The following ARL5C variants were observed in gnomAD, a reference collection of about 807,000 sequenced individuals.
ARL5C encodes putative ADP-ribosylation factor-like protein 5C.
A neutral mutation model predicts 20.8 loss-of-function variants in ARL5C; 21 were observed. The ratio of observed to expected loss-of-function variants is 1.01; its 90% confidence interval spans 0.72 to 1.46. ARL5C has a LOEUF of 1.46. ARL5C is among the 40% of genes most tolerant of loss of function. ARL5C has a pLI of 0.00. For missense variants in ARL5C, 199 were observed against 225.1 expected (o/e 0.88, Z 0.74); for synonymous variants, 71 against 81.6 (o/e 0.87, Z 0.70).
chr17:39,163,616 T>G (rs2045448438), intron 2 of ARL5C, among the ~76,000 whole-genome samples: 1 of 151,182 alleles, frequency 6.6e-6, no homozygotes, highest in Non-Finnish European at 1.5e-5. Flanking sequence ...AGTCTCGAAC[T>G]CCTGACCTCA....
At chr17:39,160,324 CAAAA>C (rs35532222) in intron 5 of ARL5C, 185 of 270,172 alleles carry the variant, frequency 6.8e-4, no homozygotes, top group Middle Eastern at 2.3e-3. Context: ...AACTCTGTCT[CAAAA>C]AAAAAAAAAA....
chr17:39,164,007 A>T (rs1377018368), intron 2 of ARL5C: 1 of 151,892 alleles, frequency 6.6e-6, no homozygotes, highest in Non-Finnish European at 1.5e-5. Flanking sequence ...CCTCAGGTAG[A>T]TCCACCCACT....
chr17:39,163,673 T>C (rs1332164519), intron 2 of ARL5C, among the ~76,000 whole-genome samples: 1 of 150,080 alleles, frequency 6.7e-6, no homozygotes, highest in Non-Finnish European at 1.5e-5. Context: ...ATTACAGGCA[T>C]GAGCCACCGC....
chr17:39,162,323 A>G (rs1228743418), intron 3 of ARL5C, among the ~76,000 whole-genome samples: 1 of 152,106 alleles, frequency 6.6e-6, no homozygotes, highest in Non-Finnish European at 1.5e-5. Flanking sequence ...TTTTTGAGAC[A>G]GAGTCTTGCT....
intron 2 of ARL5C, among the ~76,000 whole-genome samples, chr17:39,163,394 C>CTTTCTT (rs778704422): frequency 2.7e-5 from 4 of 147,514 alleles, no homozygotes; most frequent in South Asian, 2.1e-4. Context: ...TTCTTTCTTT[C>CTTTCTT]TCTCTTTCTT....
chr17:39,157,588 G>T (rs530682356), intron 5 of ARL5C, among the ~76,000 whole-genome samples: 20 of 151,854 alleles, frequency 1.3e-4, no homozygotes, highest in African/African-American at 4.8e-4. Context: ...TCGGGAATTC[G>T]AGACCAGCCT....
At chr17:39,162,596 C>A (rs1481181887) in intron 3 of ARL5C, 115 bp downstream of exon 3, 4 of 1,312,498 alleles carry the variant, frequency 3.0e-6, no homozygotes, top group Non-Finnish European at 4.1e-6. Flanking sequence ...CCACAGGAAC[C>A]GACCATTATA....
intron 3 of ARL5C, among the ~76,000 whole-genome samples, chr17:39,162,432 C>G (rs371858890): frequency 2.0e-5 from 3 of 152,112 alleles, no homozygotes; most frequent in Non-Finnish European, 4.4e-5. Flanking sequence ...TCCCGAGTAG[C>G]TGGGATTACA....
chr17:39,164,820 A>G (rs948578922), intron 2 of ARL5C, among the ~76,000 whole-genome samples: 9 of 152,174 alleles, frequency 5.9e-5, no homozygotes, highest in Admixed American at 1.3e-4. Flanking sequence ...GACACTTGGC[A>G]GGCCTGGAGC....
At chr17:39,160,773 C>A in intron 4 of ARL5C, 31 bp from the exon 5 acceptor site, 1 of 1,546,868 alleles carries the variant, frequency 6.5e-7, no homozygotes, top group Non-Finnish European at 8.7e-7. Context: ...CCCCAGTCAG[C>A]CTGCTAGTGC....
rs554916151 is a variant in ARL5C, at chr17:39,157,159, T to C, written c.492-217A>G. On this transcript the variant is annotated intron_variant, in intron 5 of 5. Transcript: ENST00000269586. ...AAAATGCAGACATGCCCCTGAGGCT[T>C]ACTGTCTAGTAGAAGAGATGGATAC... Among the ~76,000 whole-genome samples the C allele has an allele frequency of 8.5e-5, 13 of 152,350 alleles. No individual in the cohort carries two copies. The East Asian group carries it at 1.3e-3, about 16-fold the overall frequency.
intron 5 of ARL5C, 57 bp downstream of exon 5, chr17:39,160,534 G>T: frequency 6.5e-7 from 1 of 1,534,168 alleles, no homozygotes; most frequent in South Asian, 1.2e-5. Flanking sequence ...GGTTCTGATG[G>T]TCAGTCATCC....
At chr17:39,156,744 C>G (rs530289442), downstream of ARL5C, 5 of 923,108 alleles carry the variant, frequency 5.4e-6, no homozygotes, top group South Asian at 1.7e-5. Flanking sequence ...TTCTCAGCAA[C>G]GGGTTGGGAG....
At chr17:39,160,765 CCA>C (rs1567780617) in intron 4 of ARL5C, 23 bp from the exon 5 acceptor site, 2 of 1,549,376 alleles carry the variant, frequency 1.3e-6, no homozygotes, top group Non-Finnish European at 1.7e-6. Context: ...GAGCCCAGCC[CCA>C]GTCAGCCTGC....
intron 1 of ARL5C, 59 bp downstream of exon 1, chr17:39,165,656 G>A (rs1470911165): frequency 1.8e-5 from 28 of 1,547,868 alleles, no homozygotes; most frequent in Non-Finnish European, 2.4e-5. Context: ...ACAGATCAGA[G>A]GAGTCCCAGA....
At chr17:39,165,578 G>C in intron 1 of ARL5C, 137 bp downstream of exon 1, 1 of 1,091,324 alleles carries the variant, frequency 9.2e-7, no homozygotes, top group Non-Finnish European at 1.3e-6. Context: ...GGCAGGGGAG[G>C]CCGCGGGGCA....
At chr17:39,165,569 G>A (rs1024302057) in intron 1 of ARL5C, 146 bp downstream of exon 1, 42 of 968,514 alleles carry the variant, frequency 4.3e-5, no homozygotes, top group Admixed American at 6.9e-5. Flanking sequence ...AGGGACGGGG[G>A]CAGGGGAGGC....
At position 39,165,157 on chromosome 17, in the gene ARL5C, A is replaced by G. The variant is rs1597669753; in HGVS notation, c.47-18T>C. The G allele has an allele frequency of 6.4e-7, 1 of 1,551,098 alleles. No individual in the cohort carries two copies. The highest frequency in any genetic ancestry group is 1.2e-5 in the South Asian group (1 of 84,010). ...CGTGTGCTCTGGAAGCGTCGGAGGAAGGGCAGCGTCAGGGCCAAACCCGAA... is the reference window on the plus strand; with the variant it reads ...CGTGTGCTCTGGAAGCGTCGGAGGAGGGGCAGCGTCAGGGCCAAACCCGAA... On this transcript the variant is annotated intron_variant, in intron 1 of 5. Coordinates refer to ENST00000269586, the MANE Select transcript of ARL5C (RefSeq NM_001143968.1).
intron 2 of ARL5C, chr17:39,164,135 G>T (rs1252779930): frequency 6.6e-6 from 1 of 152,116 alleles, no homozygotes; most frequent in African/African-American, 2.4e-5. Flanking sequence ...TGTTGGCCAG[G>T]CTGCTCTTGA....
Sources: gnomAD v4.1 joint callset for allele counts (sites outside exome capture counted in the v4.1 genomes callset) on GRCh38, gnomAD v4.1.1 for gene constraint, MANE v1.5 for transcripts, NCBI Gene and HGNC (gene_info 2026-07-23, HGNC 2026-07-21) for gene names.